HECTD2: variants seen among roughly 807,000 people sequenced by gnomAD.
The protein encoded by HECTD2 is probable E3 ubiquitin-protein ligase HECTD2.
HECTD2 carries 35 observed loss-of-function variants against 103.2 expected under a neutral mutation model. The observed-to-expected ratio is 0.34, with a 90% CI of 0.26 to 0.45. The LOEUF (loss-of-function observed/expected upper bound fraction) is 0.45, where lower values mean the gene tolerates loss of function less well. Among genes scored for constraint, HECTD2 ranks in the 20% least tolerant of loss-of-function variants. The pLI is 1.00. For missense variants in HECTD2, 596 were observed against 937.4 expected, an observed-to-expected ratio of 0.64 and a Z score of 4.76; for synonymous variants, 281 against 329.9, an observed-to-expected ratio of 0.85 and a Z score of 1.61.
intron 2 of HECTD2, among the ~76,000 whole-genome samples, chr10:91,444,880 C>T (rs769403074): frequency 2.0e-5 from 3 of 152,084 alleles, no homozygotes; most frequent in Admixed American, 6.6e-5. Flanking sequence ...GTTCATTCAG[C>T]GAACTTATGA....
chr10:91,481,942 AAG>A (rs1354361048), intron 7 of HECTD2, among the ~76,000 whole-genome samples: 1 of 151,850 alleles, frequency 6.6e-6, no homozygotes, highest in African/African-American at 2.4e-5. Flanking sequence ...AAAGTGAGGA[AAG>A]AGGAAAAAGT....
intron 20 of HECTD2, among the ~76,000 whole-genome samples, chr10:91,505,391 G>A (rs1162134929): frequency 2.0e-5 from 3 of 152,014 alleles, no homozygotes; most frequent in Non-Finnish European, 2.9e-5. Flanking sequence ...TCACATGCAG[G>A]GACACACATA....
Position 91,487,606 on chromosome 10 carries a change from G to A in HECTD2, c.1095-76G>A, listed in dbSNP as rs1200818047. The A allele has an allele frequency of 2.3e-6, 2 of 861,706 alleles. No individual in the cohort carries two copies. Among genetic ancestry groups the A allele is most frequent in the Non-Finnish European group, 4.0e-6 (2 of 494,346 alleles). 53.4% of individuals were successfully genotyped at this position (861,706 alleles called of 1,614,324 possible). On this transcript the variant is annotated intron_variant, in intron 10 of 20. Transcript: ENST00000298068. The surrounding 1 kb of genome is among the most constrained non-coding windows in gnomAD (Gnocchi z 4.1). ...GTAATGTTTTATATTGCTACAAGGG[G>A]TACCTTAGATTCCCTTAGTATAATT...
At chr10:91,510,848 T>C (rs961134431) in intron 20 of HECTD2, among the ~76,000 whole-genome samples, 6 of 152,246 alleles carry the variant, frequency 3.9e-5, no homozygotes, top group Non-Finnish European at 8.8e-5. Context: ...ACTGGTTTTT[T>C]AAGTCAGACT....
chr10:91,460,711 G>T, intron 3 of HECTD2, 146 bp downstream of exon 3: 1 of 643,276 alleles, frequency 1.6e-6, no homozygotes, highest in Non-Finnish European at 2.3e-6. Context: ...GTCTCAAGTT[G>T]AAGGTGAAAG....
chr10:91,417,687 A>G (rs868030294), intron 1 of HECTD2, among the ~76,000 whole-genome samples: 4 of 152,046 alleles, frequency 2.6e-5, no homozygotes, highest in Admixed American at 6.6e-5. Context: ...CCTACAAAGG[A>G]CATGAACTCA....
At chr10:91,454,173 A>G (rs1342107531) in intron 2 of HECTD2, among the ~76,000 whole-genome samples, 1 of 152,120 alleles carries the variant, frequency 6.6e-6, no homozygotes, top group Non-Finnish European at 1.5e-5. Flanking sequence ...CAGTGCCACC[A>G]TCAACCAACA....
rs185490263 is a variant in HECTD2, at chr10:91,418,712, G to T, written c.139-6569G>T. Among the ~76,000 whole-genome samples, 193 of 152,154 alleles carry T rather than the reference G, an allele frequency of 1.3e-3. 3 individuals carry two copies. The highest frequency in any genetic ancestry group is 6.8e-3 in the Middle Eastern group (2 of 294). ...AAGAGAAACAAAATATCTTTACCCA[G>T]GATCAAGGCCTAAAATAGTCTCTTT... is the stretch of plus-strand genomic sequence containing the variant. On this transcript the variant is annotated intron_variant, in intron 1 of 20. Transcript: ENST00000298068.
intron 18 of HECTD2, 142 bp from the exon 19 acceptor site, chr10:91,500,360 G>A (rs1846853132): frequency 5.8e-6 from 3 of 517,932 alleles, no homozygotes; most frequent in Non-Finnish European, 1.0e-5. Flanking sequence ...AATATACCCA[G>A]AGTCGATTTT....
intron 6 of HECTD2, among the ~76,000 whole-genome samples, chr10:91,480,593 C>T (rs1333912396): frequency 6.6e-6 from 1 of 151,948 alleles, no homozygotes; most frequent in African/African-American, 2.4e-5. Context: ...TATGAGAATT[C>T]ATATTAAGAT....
intron 2 of HECTD2, among the ~76,000 whole-genome samples, chr10:91,456,257 G>T (rs1413325433): frequency 3.3e-5 from 5 of 152,296 alleles, no homozygotes; most frequent in African/African-American, 1.2e-4. Flanking sequence ...TCGTTGAGCA[G>T]TGGTTTGTAG....
At chr10:91,455,038 ATG>A (rs1386173886) in intron 2 of HECTD2, among the ~76,000 whole-genome samples, 61 of 152,308 alleles carry the variant, frequency 4.0e-4, no homozygotes, top group South Asian at 4.2e-4. Flanking sequence ...ATACGTGTGC[ATG>A]TGTCTTTATA....
chr10:91,483,332 A>G (rs1442412834), intron 8 of HECTD2, among the ~76,000 whole-genome samples: 1 of 151,956 alleles, frequency 6.6e-6, no homozygotes, highest in Non-Finnish European at 1.5e-5. Context: ...TTCACTTTTT[A>G]TATAGCACAT....
chr10:91,464,934 A>G (rs956320756), intron 5 of HECTD2, among the ~76,000 whole-genome samples: 1 of 152,232 alleles, frequency 6.6e-6, no homozygotes, highest in African/African-American at 2.4e-5. Context: ...AATGGAATAC[A>G]AACAGAAAAT....
intron 2 of HECTD2, among the ~76,000 whole-genome samples, chr10:91,436,933 C>A (rs994385300): frequency 4.6e-5 from 7 of 151,970 alleles, no homozygotes; most frequent in African/African-American, 1.7e-4. Flanking sequence ...AAAACAACAA[C>A]AGAACCTTTT....
At chr10:91,444,510 TAGAA>T (rs1844510315) in intron 2 of HECTD2, among the ~76,000 whole-genome samples, 1 of 152,172 alleles carries the variant, frequency 6.6e-6, no homozygotes, top group Non-Finnish European at 1.5e-5. Flanking sequence ...GAACTTGAAT[TAGAA>T]AGAAAGGCAG....
intron 1 of HECTD2, among the ~76,000 whole-genome samples, chr10:91,414,598 A>G (rs1209298474): frequency 6.6e-6 from 1 of 152,254 alleles, no homozygotes; most frequent in Non-Finnish European, 1.5e-5. Flanking sequence ...AATTTGTACT[A>G]TCAGAGATGA....
chr10:91,410,245 G>T, upstream of HECTD2: 1 of 153,384 alleles, frequency 6.5e-6, no homozygotes, highest in South Asian at 1.8e-4. Flanking sequence ...GCGTCCGCGG[G>T]GCTGGCGCGC....
intron 20 of HECTD2, among the ~76,000 whole-genome samples, chr10:91,503,282 G>C (rs1255015410): frequency 6.6e-6 from 1 of 152,148 alleles, no homozygotes; most frequent in South Asian, 2.1e-4. Context: ...AGCCAAGATG[G>C]CCGAATAGGA....
Sources: gnomAD v4.1 joint callset for allele counts (sites outside exome capture counted in the v4.1 genomes callset) on GRCh38, gnomAD v4.1.1 for gene constraint, Gnocchi (gnomAD v3.1) non-coding constraint, MANE v1.5 for transcripts, NCBI Gene and HGNC (gene_info 2026-07-23, HGNC 2026-07-21) for gene names.